MYO5A: variants seen among roughly 807,000 people sequenced by gnomAD.
MYO5A encodes the protein myosin VA, also known as unconventional myosin-Va.
MYO5A carries 98 observed loss-of-function variants against 249.7 expected under a neutral mutation model. The observed-to-expected ratio is 0.39, with a 90% CI of 0.33 to 0.46. The LOEUF is 0.46. MYO5A is among the 20% of genes least tolerant of loss of function. MYO5A has a pLI of 0.98. For synonymous variants in MYO5A, 778 were observed against 810.6 expected, an observed-to-expected ratio of 0.96 and a Z score of 0.68; for missense variants, 1,696 against 2,308.8, an observed-to-expected ratio of 0.73 and a Z score of 5.44.
At chr15:52,417,344 A>T (rs1188767214) in intron 4 of MYO5A, among the ~76,000 whole-genome samples, 2 of 152,240 alleles carry the variant, frequency 1.3e-5, no homozygotes, top group Non-Finnish European at 2.9e-5. Flanking sequence ...AAAGAAATTT[A>T]ATTTGTTTAA....
chr15:52,329,905 A>ATTTTTTTTTTTTTTTTTT lies in MYO5A; in HGVS notation c.4555+430_4555+447dup, dbSNP rs58058940. Among the ~76,000 whole-genome samples, 141 of 119,694 alleles carry ATTTTTTTTTTTTTTTTTT rather than the reference A, an allele frequency of 1.2e-3. 5 individuals carry two copies. Among genetic ancestry groups the ATTTTTTTTTTTTTTTTTT allele is most frequent in the African/African-American group, 2.4e-3 (60 of 25,058 alleles). The allele number at this position is 119,694 out of a possible 152,430, so 78.5% of individuals were successfully genotyped here. ...AGGCATGTACCACCTCGCCTGGGTA[A>ATTTTTTTTTTTTTTTTTT]TTTTTTTTTTTTTTTTTTTTTTTTT... On this transcript the variant is annotated intron_variant, in intron 35 of 41. Coordinates refer to ENST00000399233, the MANE Select transcript of MYO5A (RefSeq NM_001382347.1).
intron 1 of MYO5A, among the ~76,000 whole-genome samples, chr15:52,460,630 A>G (rs1481471958): frequency 6.6e-6 from 1 of 152,088 alleles, no homozygotes; most frequent in South Asian, 2.1e-4. Context: ...TCAGAGGGAG[A>G]CTGTGCAAAG....
chr15:52,522,385 G>A (rs939818322), intron 1 of MYO5A, among the ~76,000 whole-genome samples: 1 of 152,116 alleles, frequency 6.6e-6, no homozygotes, highest in Non-Finnish European at 1.5e-5. Flanking sequence ...GGTGGTGCTG[G>A]GGAGAAAAGG....
chr15:52,473,699 A>G (rs2076528389), intron 1 of MYO5A, among the ~76,000 whole-genome samples: 2 of 152,118 alleles, frequency 1.3e-5, no homozygotes, highest in African/African-American at 2.4e-5. Context: ...AAGATCAGAT[A>G]GTTGTAGATG....
intron 29 of MYO5A, 35 bp downstream of exon 29, chr15:52,348,783 A>T: frequency 7.0e-7 from 1 of 1,438,736 alleles, no homozygotes. Flanking sequence ...GATTAAATAG[A>T]AGTATTTACT....
intron 1 of MYO5A, among the ~76,000 whole-genome samples, chr15:52,497,424 G>GATAAATAAATAA (rs71130165): frequency 4.6e-4 from 68 of 147,428 alleles, no homozygotes; most frequent in South Asian, 8.5e-4. Context: ...TAAATAAATA[G>GATAAATAAATAA]ATAAATAAAT....
At chr15:52,375,175 T>C (rs1350432480) in intron 20 of MYO5A, 129 bp downstream of exon 20, 13 of 904,216 alleles carry the variant, frequency 1.4e-5, no homozygotes, top group East Asian at 1.1e-4. Context: ...TAAATAAATA[T>C]GCATTTCAAT....
intron 16 of MYO5A, 134 bp from the exon 17 acceptor site, chr15:52,380,042 G>A (rs2041651141): frequency 9.2e-6 from 8 of 866,520 alleles, no homozygotes; most frequent in African/African-American, 5.0e-5. Flanking sequence ...TTCAGAAGTC[G>A]GAGCAGTGAT....
chr15:52,389,284 G>A lies in MYO5A; in HGVS notation c.1622C>T (p.Pro541Leu), dbSNP rs773146969. 1 of 1,613,336 alleles carries A rather than the reference G, an allele frequency of 6.2e-7. No individual in the cohort carries two copies. The highest frequency in any genetic ancestry group is 1.7e-5 in the Admixed American group (1 of 60,006). ...HLNKCALFEKPRLSNKAFIIQ... is the reference protein window; with the variant it reads ...HLNKCALFEKLRLSNKAFIIQ... ...GATGAAAGCTTTGTTTGATAGACGA[G>A]GCTTTTCAAAGAGTGCACATTTGTT... The change falls in exon 13 of 42, where the codon CCT (proline) becomes CTT (leucine). Residue 541 changes from proline (P) to leucine (L), a missense_variant. By Grantham distance (98) the Pro-to-Leu change is moderately conservative (BLOSUM62 -3). Coordinates refer to ENST00000399233, the MANE Select transcript of MYO5A (RefSeq NM_001382347.1).
intron 24 of MYO5A, among the ~76,000 whole-genome samples, chr15:52,361,735 T>A (rs1454866015): frequency 6.6e-6 from 1 of 152,256 alleles, no homozygotes. Context: ...AACTTCCTTG[T>A]TGGTAACTTT....
In MYO5A at chr15:52,379,630, T is replaced by C; in HGVS notation, c.2203A>G (p.Ile735Val). The change falls in exon 18 of 42, where the codon ATA becomes GTA. Residue 735 changes from isoleucine (I) to valine (V), a missense_variant. By Grantham distance (29) the Ile-to-Val change is conservative. Around this residue, in one of 5 missense-constraint regions of MYO5A, gnomAD observed 277 missense variants for 422.4 expected, o/e 0.66. Transcript: ENST00000399233. Reference protein sequence around the residue: ...QTCKNVLEKLILDKDKYQFGK... With the variant: ...QTCKNVLEKLVLDKDKYQFGK... ...GTAAGCGAAATCATTCTCACCAGTA[T>C]CAGTTTCTCTAACACATTCTTGCAT... The C allele has an allele frequency of 6.2e-7, 1 of 1,612,830 alleles. No individual in the cohort carries two copies. Among genetic ancestry groups the C allele is most frequent in the South Asian group, 1.1e-5 (1 of 91,070 alleles).
At chr15:52,448,953 C>CTTTTTT (rs1567136629) in intron 1 of MYO5A, among the ~76,000 whole-genome samples, 3 of 61,874 alleles carry the variant, frequency 4.8e-5, no homozygotes, top group Admixed American at 1.7e-4. Flanking sequence ...CTTTTCTTGT[C>CTTTTTT]TTTCTTTTTT....
intron 36 of MYO5A, chr15:52,323,646 G>C (rs1255563815): frequency 1.0e-5 from 5 of 498,268 alleles, no homozygotes; most frequent in Non-Finnish European, 1.8e-5. Flanking sequence ...TGCTTTGCTT[G>C]CCATTCACTT....
chr15:52,390,661 G>C (rs1369997713), intron 12 of MYO5A, among the ~76,000 whole-genome samples: 1 of 150,190 alleles, frequency 6.7e-6, no homozygotes, highest in East Asian at 2.0e-4. Context: ...CCAGGCTCAA[G>C]TGATTATCCT....
chr15:52,481,947 T>A (rs1178369386), intron 1 of MYO5A, among the ~76,000 whole-genome samples: 1 of 152,230 alleles, frequency 6.6e-6, no homozygotes, highest in Non-Finnish European at 1.5e-5. Flanking sequence ...AAACAGGATA[T>A]AATCAGTATT....
chr15:52,428,018 T>C lies in MYO5A; in HGVS notation c.310+380A>G, dbSNP rs998712822. 5.3e-5 allele frequency among the ~76,000 whole-genome samples: 8 copies of C among 152,154 alleles called. No individual in the cohort carries two copies. In the East Asian group the frequency reaches 7.7e-4, roughly 15 times the overall value. On this transcript the variant is annotated intron_variant, in intron 3 of 41. Transcript: ENST00000399233. Reference sequence around the variant, plus strand: ...AAGTTAGTTCTGCATGGCTGAGTAATTGACCACAAGATAACACTAAATCTC... The same window carrying C: ...AAGTTAGTTCTGCATGGCTGAGTAACTGACCACAAGATAACACTAAATCTC...
intron 5 of MYO5A, among the ~76,000 whole-genome samples, chr15:52,411,784 C>A (rs2043262773): frequency 6.6e-6 from 1 of 152,112 alleles, no homozygotes; most frequent in Non-Finnish European, 1.5e-5. Context: ...ATTCTTTGAT[C>A]AATCAAAGAA....
chr15:52,500,771 A>T (rs1451446175), intron 1 of MYO5A, among the ~76,000 whole-genome samples: 1 of 152,042 alleles, frequency 6.6e-6, no homozygotes, highest in Non-Finnish European at 1.5e-5. Context: ...AAATCAGTTC[A>T]TTCAGGTAGC....
At chr15:52,430,174 T>C (rs561345349) in intron 2 of MYO5A, among the ~76,000 whole-genome samples, 46 of 152,350 alleles carry the variant, frequency 3.0e-4, no homozygotes, top group Non-Finnish European at 5.4e-4. Context: ...TCTTGCTGCC[T>C]GTTTATCAGA....
Sources: allele counts gnomAD v4.1 joint callset (sites outside exome capture counted in the v4.1 genomes callset), GRCh38; gene constraint gnomAD v4.1.1; regional missense constraint gnomAD v4.1.1; transcripts MANE v1.5; gene names NCBI Gene and HGNC (gene_info 2026-07-23, HGNC 2026-07-21).